Variants in ARID4B observed in about 807,000 individuals in gnomAD.
The protein encoded by ARID4B is AT-rich interactive domain-containing protein 4B.
In ARID4B, 26 loss-of-function variants were observed where a neutral mutation model predicts 147.5. The observed-to-expected ratio is 0.18, with a 90% CI of 0.13 to 0.24. The LOEUF (loss-of-function observed/expected upper bound fraction) is 0.24. Ranked by LOEUF, ARID4B falls within the 10% of genes least tolerant of loss-of-function variation. The pLI is 1.00. For missense variants in ARID4B, 1,179 were observed against 1,511.5 expected (o/e 0.78, Z 3.65); for synonymous variants, 512 against 507.9 (o/e 1.01, Z -0.11).
chr1:235,204,308 C>A (rs182188252), intron 17 of ARID4B, among the ~76,000 whole-genome samples: 7 of 152,048 alleles, frequency 4.6e-5, no homozygotes, highest in Admixed American at 2.0e-4. Flanking sequence ...GGTGACGGAG[C>A]GAAACTCCGC....
At chr1:235,182,987 T>C (rs759482135) in intron 19 of ARID4B, among the ~76,000 whole-genome samples, 194 bp from the exon 20 acceptor site, 33 of 152,254 alleles carry the variant, frequency 2.2e-4, no homozygotes, top group Middle Eastern at 3.4e-3. Context: ...AAATGTTCTA[T>C]TACGATCACG....
intron 19 of ARID4B, among the ~76,000 whole-genome samples, chr1:235,187,334 T>C (rs1354090172): frequency 2.0e-5 from 3 of 152,194 alleles, no homozygotes; most frequent in Admixed American, 6.5e-5. Flanking sequence ...TCCGCCTACC[T>C]TGGCCTCCCA....
chr1:235,197,272 T>C (rs1184275650), intron 17 of ARID4B, among the ~76,000 whole-genome samples: 5 of 152,324 alleles, frequency 3.3e-5, no homozygotes, highest in African/African-American at 1.2e-4. Context: ...CTCTAGAACA[T>C]GGACACCTGA....
chr1:235,285,516 G>A (rs184991357), intron 2 of ARID4B, among the ~76,000 whole-genome samples: 2 of 152,242 alleles, frequency 1.3e-5, no homozygotes, highest in African/African-American at 4.8e-5. Flanking sequence ...TATACTTAAC[G>A]GTGAAAGACT....
intron 3 of ARID4B, among the ~76,000 whole-genome samples, chr1:235,259,235 C>A (rs1558254337): frequency 6.6e-6 from 1 of 152,336 alleles, no homozygotes; most frequent in African/African-American, 2.4e-5. Flanking sequence ...AGGACTGCTA[C>A]ATGTCATTTT....
intron 2 of ARID4B, among the ~76,000 whole-genome samples, chr1:235,272,042 C>T (rs1015935200): frequency 6.6e-6 from 1 of 152,122 alleles, no homozygotes; most frequent in South Asian, 2.1e-4. Flanking sequence ...TTTTGAAAGA[C>T]GTCATCAACA....
At chr1:235,201,085 C>T (rs58589245) in intron 17 of ARID4B, among the ~76,000 whole-genome samples, 94 of 152,142 alleles carry the variant, frequency 6.2e-4, no homozygotes, top group African/African-American at 2.2e-3. Flanking sequence ...GCAGAGGTGG[C>T]AGTGAGCCAA....
intron 2 of ARID4B, among the ~76,000 whole-genome samples, chr1:235,264,856 C>G (rs960585358): frequency 1.3e-5 from 2 of 151,188 alleles, no homozygotes; most frequent in African/African-American, 4.9e-5. Flanking sequence ...GTCAGGAGTT[C>G]GAGACAAGCC....
At chr1:235,201,232 AG>A (rs1280935760) in intron 17 of ARID4B, among the ~76,000 whole-genome samples, 1 of 152,202 alleles carries the variant, frequency 6.6e-6, no homozygotes, top group Non-Finnish European at 1.5e-5. Context: ...AAGAAATAGA[AG>A]GCCATAAAAT....
intron 2 of ARID4B, among the ~76,000 whole-genome samples, chr1:235,287,017 T>A (rs1672015945): frequency 1.3e-5 from 2 of 152,290 alleles, no homozygotes; most frequent in South Asian, 4.1e-4. Context: ...CCCAGCACTT[T>A]GGGAGGGTGA....
chr1:235,291,673 T>TAC (rs144940956), intron 2 of ARID4B, among the ~76,000 whole-genome samples: 19,814 of 151,644 alleles, frequency 0.13, 1,494 homozygotes, highest in African/African-American at 0.2. Context: ...CCGTCTCTAC[T>TAC]AAAAAATACA....
chr1:235,294,219 A>G (rs934398320), intron 2 of ARID4B, among the ~76,000 whole-genome samples: 1 of 152,034 alleles, frequency 6.6e-6, no homozygotes, highest in Admixed American at 6.6e-5. Flanking sequence ...ATGTAAGCAT[A>G]AATTAAATTT....
chr1:235,186,112 G>A (rs890885126), intron 19 of ARID4B, among the ~76,000 whole-genome samples: 4 of 151,942 alleles, frequency 2.6e-5, no homozygotes, highest in African/African-American at 9.7e-5. Context: ...TGGGACTACA[G>A]GTGCATGCCA....
intron 17 of ARID4B, among the ~76,000 whole-genome samples, chr1:235,196,979 GTT>G (rs1220044633): frequency 1.3e-5 from 2 of 149,978 alleles, no homozygotes; most frequent in Non-Finnish European, 3.0e-5. Flanking sequence ...ACTCTGCAAA[GTT>G]TTTCAGTATT....
At chr1:235,250,639 T>TAGCCGGGACACAGG (rs1399348769) in intron 6 of ARID4B, among the ~76,000 whole-genome samples, 17 of 152,130 alleles carry the variant, frequency 1.1e-4, no homozygotes, top group African/African-American at 3.4e-4. Context: ...TGGCTTAACC[T>TAGCCGGGACACAGG]TTGTCCCGGT....
chr1:235,169,917 T>C (rs1663220035), intron 23 of ARID4B, among the ~76,000 whole-genome samples: 1 of 152,152 alleles, frequency 6.6e-6, no homozygotes. Context: ...CTGCCTTGGC[T>C]TCCCTAAGTG....
intron 2 of ARID4B, 53 bp downstream of exon 2, chr1:235,326,861 C>A: frequency 6.2e-7 from 1 of 1,609,662 alleles, no homozygotes; most frequent in Non-Finnish European, 8.5e-7. Flanking sequence ...TCGAAACCTC[C>A]TACTTCCTGA....
At chr1:235,264,891 T>C (rs1670504445) in intron 2 of ARID4B, among the ~76,000 whole-genome samples, 1 of 151,224 alleles carries the variant, frequency 6.6e-6, no homozygotes, top group African/African-American at 2.4e-5. Flanking sequence ...AAACCCCATC[T>C]CTACTTAAAA....
intron 11 of ARID4B, among the ~76,000 whole-genome samples, chr1:235,226,288 T>C (rs921468241): frequency 6.6e-6 from 1 of 152,184 alleles, no homozygotes; most frequent in Non-Finnish European, 1.5e-5. Context: ...ACTTACAAAT[T>C]CGTGGGGAAG....
Sources: allele counts gnomAD v4.1 joint callset (sites outside exome capture counted in the v4.1 genomes callset), GRCh38; gene constraint gnomAD v4.1.1; transcripts MANE v1.5; gene names NCBI Gene and HGNC (gene_info 2026-07-23, HGNC 2026-07-21).